Variants in STARD13 observed in about 807,000 individuals in gnomAD.
STARD13 encodes StAR related lipid transfer domain containing 13.
A neutral mutation model predicts 106.4 loss-of-function variants in STARD13; 62 were observed. The ratio of observed to expected loss-of-function variants is 0.58; its 90% confidence interval spans 0.48 to 0.72. The LOEUF is 0.72. Ranked by LOEUF, STARD13 falls within the 30% of genes least tolerant of loss-of-function variation. The probability of loss-of-function intolerance (pLI) is 0.00; values close to 1 mark genes in which losing one functional copy is unlikely to be tolerated. For synonymous variants in STARD13, 565 were observed against 553.0 expected (o/e 1.02, Z -0.31); for missense variants, 1,387 against 1,424.0 (o/e 0.97, Z 0.42).
the STARD13 span, among the ~76,000 whole-genome samples, chr13:33,618,732 G>A: frequency 1.3e-5 from 2 of 152,012 alleles, no homozygotes; most frequent in Non-Finnish European, 2.9e-5. Context: ...CGTCAGATGA[G>A]CCCCATATTT....
intron 12 of STARD13, among the ~76,000 whole-genome samples, chr13:33,108,347 C>A (rs1690727281): frequency 6.6e-6 from 1 of 152,190 alleles, no homozygotes. Flanking sequence ...AGATCTGGTT[C>A]ATTGTTAGCC....
At chr13:33,269,137 C>T (rs1891039961) in intron 1 of STARD13, among the ~76,000 whole-genome samples, 1 of 152,144 alleles carries the variant, frequency 6.6e-6, no homozygotes, top group African/African-American at 2.4e-5. Context: ...CAAATAATGA[C>T]CAAATGGGTA....
intron 1 of STARD13, among the ~76,000 whole-genome samples, chr13:33,227,335 A>G (rs186938684): frequency 4.6e-5 from 7 of 152,378 alleles, no homozygotes; most frequent in African/African-American, 1.7e-4. Flanking sequence ...TAGTTCAACC[A>G]TATGTGGATT....
chr13:33,163,593 A>AC (rs1882899160), intron 3 of STARD13, among the ~76,000 whole-genome samples: 1 of 81,484 alleles, frequency 1.2e-5, no homozygotes, highest in South Asian at 4.5e-4. Flanking sequence ...CTGTCTCAAA[A>AC]AAAAAAAAAA....
intron 1 of STARD13, among the ~76,000 whole-genome samples, chr13:33,296,690 C>T (rs962910309): frequency 6.6e-6 from 1 of 152,166 alleles, no homozygotes; most frequent in South Asian, 2.1e-4. Flanking sequence ...ATAATCTCAG[C>T]TCACTGCAAC....
intron 3 of STARD13, among the ~76,000 whole-genome samples, chr13:33,152,760 C>T (rs1881446841): frequency 6.6e-6 from 1 of 152,204 alleles, no homozygotes; most frequent in South Asian, 2.1e-4. Context: ...GATCCTTGGG[C>T]CTCTGCTGTC....
the STARD13 span, among the ~76,000 whole-genome samples, chr13:33,383,351 C>T: frequency 6.6e-6 from 1 of 151,976 alleles, no homozygotes; most frequent in East Asian, 1.9e-4. Flanking sequence ...TGAACTCCCA[C>T]CTGGGCAACA....
At chr13:33,607,315 T>G in the STARD13 span, among the ~76,000 whole-genome samples, 10 of 151,088 alleles carry the variant, frequency 6.6e-5, no homozygotes, top group African/African-American at 2.2e-4. Context: ...TTTTTTTTTT[T>G]GAGACAGAAC....
chr13:33,537,671 A>G, the STARD13 span, among the ~76,000 whole-genome samples: 255 of 152,288 alleles, frequency 1.7e-3, 2 homozygotes, highest in African/African-American at 5.8e-3. Context: ...CGGGAAGTGT[A>G]TATTTCTTTA....
At chr13:33,309,983 G>A (rs143967810) in intron 1 of STARD13, among the ~76,000 whole-genome samples, 100 of 152,294 alleles carry the variant, frequency 6.6e-4, no homozygotes, top group African/African-American at 2.2e-3. Context: ...CAACTTTTAT[G>A]TAGGGTCTAT....
chr13:33,532,995 G>C, the STARD13 span, among the ~76,000 whole-genome samples: 6 of 152,168 alleles, frequency 3.9e-5, no homozygotes, highest in African/African-American at 1.4e-4. Context: ...CCCAGGTGAG[G>C]CAAACATATC....
chr13:33,619,517 A>G, the STARD13 span, among the ~76,000 whole-genome samples: 1 of 152,224 alleles, frequency 6.6e-6, no homozygotes, highest in South Asian at 2.1e-4. Context: ...TTAAATTAAT[A>G]GTTTTTTGAT....
chr13:33,497,998 T>G, the STARD13 span, among the ~76,000 whole-genome samples: 1 of 152,168 alleles, frequency 6.6e-6, no homozygotes, highest in African/African-American at 2.4e-5. Context: ...AACAACCAAC[T>G]TTTTACTAGC....
At chr13:33,490,514 T>G in the STARD13 span, among the ~76,000 whole-genome samples, 14 of 152,196 alleles carry the variant, frequency 9.2e-5, no homozygotes, top group East Asian at 3.9e-4. Flanking sequence ...AGTAGGGGCA[T>G]CTGGATGCTG....
the STARD13 span, among the ~76,000 whole-genome samples, chr13:33,598,687 G>T: frequency 1.8e-4 from 27 of 152,318 alleles, no homozygotes; most frequent in African/African-American, 6.5e-4. Context: ...AACTTTGCTA[G>T]TTTTTTAAAT....
At chr13:33,217,885 G>A (rs1406150980) in intron 1 of STARD13, among the ~76,000 whole-genome samples, 2 of 152,180 alleles carry the variant, frequency 1.3e-5, no homozygotes, top group Non-Finnish European at 2.9e-5. Flanking sequence ...AGCAGGACAG[G>A]TAAATCAGGC....
At chr13:33,404,861 C>T in the STARD13 span, among the ~76,000 whole-genome samples, 1 of 151,244 alleles carries the variant, frequency 6.6e-6, no homozygotes, top group Non-Finnish European at 1.5e-5. Context: ...ACTGCAACCT[C>T]GGCCTCCCAG....
At chr13:33,196,982 T>C (rs1886667067) in intron 1 of STARD13, among the ~76,000 whole-genome samples, 1 of 152,262 alleles carries the variant, frequency 6.6e-6, no homozygotes, top group African/African-American at 2.4e-5. Flanking sequence ...ATGTAACTTA[T>C]AAAATACATA....
chr13:33,542,635 C>G, the STARD13 span, among the ~76,000 whole-genome samples: 2 of 152,236 alleles, frequency 1.3e-5, no homozygotes, highest in Admixed American at 1.3e-4. Flanking sequence ...GGTTTCCGCT[C>G]CGGGGCTCGT....
Sources: gnomAD v4.1 joint callset for allele counts (sites outside exome capture counted in the v4.1 genomes callset) on GRCh38, gnomAD v4.1.1 for gene constraint, MANE v1.5 for transcripts, NCBI Gene and HGNC (gene_info 2026-07-23, HGNC 2026-07-21) for gene names.